The following FLAD1 variants were observed in gnomAD, a reference collection of about 807,000 sequenced individuals.
FLAD1 encodes the protein flavin adenine dinucleotide synthetase 1, also known as bifunctional FAD diphosphatase/FAD synthase.
A neutral mutation model predicts 55.0 loss-of-function variants in FLAD1; 35 were observed. That is an observed-to-expected ratio of 0.64 (90% confidence interval 0.49 to 0.84). The LOEUF (loss-of-function observed/expected upper bound fraction) is 0.84, where lower values mean the gene tolerates loss of function less well. FLAD1 is among the 40% of genes least tolerant of loss of function. The pLI is 0.00. For missense variants in FLAD1, 665 were observed against 742.6 expected (o/e 0.90, Z 1.21); for synonymous variants, 267 against 303.0 (o/e 0.88, Z 1.23).
intron 1 of FLAD1, among the ~76,000 whole-genome samples, chr1:154,984,311 T>G (rs188119304): frequency 2.0e-5 from 3 of 151,346 alleles, no homozygotes; most frequent in East Asian, 3.9e-4. Flanking sequence ...AAAAGAAAAA[T>G]AAAAAGGTCA....
chr1:154,991,605 A>G (rs1257137459), intron 5 of FLAD1, among the ~76,000 whole-genome samples: 1 of 152,128 alleles, frequency 6.6e-6, no homozygotes, highest in Non-Finnish European at 1.5e-5. Flanking sequence ...CACATTTCAA[A>G]TGACCACCAT....
rs780090452 is a variant in FLAD1, at chr1:154,988,696, C to G, written c.964C>G (p.Gln322Glu). 1.9e-6 allele frequency: 3 copies of G among 1,614,106 alleles called. No individual in the cohort carries two copies. In the South Asian group the frequency reaches 3.3e-5, roughly 18 times the overall value. The stretch of plus-strand genomic sequence containing the variant: ...CCCTGACTGGGGCAGCAACTACTAT[C>G]AGGTGAAGCTGACTCTAGACTCAGA... Reference protein sequence around the residue: ...SYPDWGSNYYQVKLTLDSEEE... With the variant: ...SYPDWGSNYYEVKLTLDSEEE... Residue 322 changes from glutamine to glutamate, a missense_variant, in exon 2 of 7, where the codon CAG becomes GAG. Transcript: ENST00000292180.
At chr1:154,987,848 C>A in intron 1 of FLAD1, 2 of 1,108,312 alleles carry the variant, frequency 1.8e-6, no homozygotes. Flanking sequence ...TGGGGTGGCC[C>A]TTGAAGCCAG....
intron 5 of FLAD1, chr1:154,990,976 C>A (rs531620098): frequency 6.6e-6 from 1 of 152,084 alleles, no homozygotes; most frequent in East Asian, 1.9e-4. Context: ...CTTTGGGAGG[C>A]CATGGTGGGC....
Position 154,992,707 on chromosome 1 carries a change from T to A in FLAD1, c.1555-6T>A. 1 of 1,614,140 alleles carries A rather than the reference T, an allele frequency of 6.2e-7. No individual in the cohort carries two copies. The highest frequency in any genetic ancestry group is 8.5e-7 in the Non-Finnish European group (1 of 1,180,030). ...TTGTGACTATTCTATTACTCTGACC[T>A]CCCAGGACTGGACCTACAGAGACAT... is the stretch of plus-strand genomic sequence containing the variant. On this transcript the variant is annotated splice_polypyrimidine_tract_variant and splice_region_variant and intron_variant, in intron 5 of 6. Coordinates refer to ENST00000292180, the MANE Select transcript of FLAD1 (RefSeq NM_025207.5).
chr1:154,990,008 C>A, intron 3 of FLAD1, 151 bp from the exon 4 acceptor site: 1 of 752,858 alleles, frequency 1.3e-6, no homozygotes, highest in Non-Finnish European at 2.3e-6. Context: ...GTGGGCTTCC[C>A]AGAGGAAGTG....
At chr1:154,986,019 C>CTGTGTGTGTGTGTG (rs57098553) in intron 1 of FLAD1, among the ~76,000 whole-genome samples, 10 of 143,040 alleles carry the variant, frequency 7.0e-5, no homozygotes, top group Admixed American at 1.4e-4. Context: ...CTGCGCCCGG[C>CTGTGTGTGTGTGTG]TGTGTGTGTG....
At chr1:154,992,309 G>C (rs531000664) in intron 5 of FLAD1, among the ~76,000 whole-genome samples, 14 of 151,782 alleles carry the variant, frequency 9.2e-5, no homozygotes, top group East Asian at 3.9e-4. Context: ...TGGGCACAGT[G>C]GTGGGCGCCT....
At position 154,983,877 on chromosome 1, in the gene FLAD1, T is replaced by C; in HGVS notation, c.183T>C (p.Tyr61=). The change falls in exon 1 of 7, where the codon TAT becomes TAC. Residue 61 remains tyrosine, a synonymous_variant. Coordinates refer to ENST00000292180, the MANE Select transcript of FLAD1 (RefSeq NM_025207.5). ...CCCAGGACCCCCTGTTCCCAGGCTA[T>C]GGCCCCCAGTGCCCTGTAGACCTGG... ...PSTQDPLFPG[Y]GPQCPVDLAG... 1 of 1,614,104 alleles carries C rather than the reference T, an allele frequency of 6.2e-7. No homozygotes were observed. The highest frequency in any genetic ancestry group is 1.7e-4 in the Middle Eastern group (1 of 6,060).
At position 154,988,282 on chromosome 1, in the gene FLAD1, G is replaced by C; in HGVS notation, c.550G>C (p.Asp184His). The C allele has an allele frequency of 1.2e-6, 2 of 1,614,222 alleles. No individual in the cohort carries two copies. The highest frequency in any genetic ancestry group is 1.7e-6 in the Non-Finnish European group (2 of 1,180,044). Residue 184 changes from aspartate to histidine, a missense_variant, in exon 2 of 7, where the codon GAT (aspartate) becomes CAT (histidine). Coordinates refer to ENST00000292180, the MANE Select transcript of FLAD1 (RefSeq NM_025207.5). ...LTAGGIGPTH[D>H]DVTFEAVAQA... ...AGCAGGGGGCATCGGCCCCACTCATGATGATGTGACCTTTGAGGCAGTGGC... is the reference window on the plus strand; with the variant it reads ...AGCAGGGGGCATCGGCCCCACTCATCATGATGTGACCTTTGAGGCAGTGGC...
chr1:154,985,383 T>C (rs1360219509), intron 1 of FLAD1, among the ~76,000 whole-genome samples: 4 of 150,564 alleles, frequency 2.7e-5, no homozygotes, highest in African/African-American at 7.3e-5. Flanking sequence ...CATGAGCCAC[T>C]GCACTCAGCC....
At chr1:154,984,550 A>C (rs1467950401) in intron 1 of FLAD1, among the ~76,000 whole-genome samples, 3 of 152,004 alleles carry the variant, frequency 2.0e-5, no homozygotes, top group South Asian at 2.1e-4. Context: ...CTCTACTAAA[A>C]ATACAAAATT....
intron 2 of FLAD1, 154 bp downstream of exon 2, chr1:154,989,003 T>G (rs1349058175): frequency 7.5e-6 from 11 of 1,471,244 alleles, no homozygotes; most frequent in Non-Finnish European, 9.9e-6. Context: ...AAATGTTGAT[T>G]GAGTACCTAT....
chr1:154,989,262 A>T (rs1657758443), intron 2 of FLAD1, among the ~76,000 whole-genome samples: 1 of 152,140 alleles, frequency 6.6e-6, no homozygotes, highest in Non-Finnish European at 1.5e-5. Context: ...AGCCAACAGT[A>T]TGAATGAGGG....
In FLAD1 at chr1:154,988,279, C is replaced by T. The variant is rs1657707851; in HGVS notation, c.547C>T (p.His183Tyr). The change falls in exon 2 of 7, where the codon CAT becomes TAT. Residue 183 changes from histidine (H) to tyrosine (Y), a missense_variant. Coordinates refer to ENST00000292180, the MANE Select transcript of FLAD1 (RefSeq NM_025207.5). ...CACAGCAGGGGGCATCGGCCCCACTCATGATGATGTGACCTTTGAGGCAGT... is the reference window on the plus strand; with the variant it reads ...CACAGCAGGGGGCATCGGCCCCACTTATGATGATGTGACCTTTGAGGCAGT... ...VLTAGGIGPTHDDVTFEAVAQ... is the reference protein window; with the variant it reads ...VLTAGGIGPTYDDVTFEAVAQ... 6.2e-7 allele frequency: 1 copy of T among 1,614,232 alleles called. No individual in the cohort carries two copies. Among genetic ancestry groups the T allele is most frequent in the South Asian group, 1.1e-5 (1 of 91,086 alleles).
At chr1:154,987,190 G>A (rs375068658) in intron 1 of FLAD1, among the ~76,000 whole-genome samples, 52 of 152,136 alleles carry the variant, frequency 3.4e-4, no homozygotes, top group African/African-American at 1.2e-3. Context: ...ACCACGCCCC[G>A]CTAATTTTTG....
chr1:154,992,541 T>G, intron 5 of FLAD1, 172 bp from the exon 6 acceptor site: 1 of 1,601,916 alleles, frequency 6.2e-7, no homozygotes, highest in Non-Finnish European at 8.5e-7. Context: ...GATGAAGTCC[T>G]TCTCTTTCTC....
intron 1 of FLAD1, chr1:154,987,661 G>T (rs1657680451): frequency 4.5e-6 from 1 of 220,662 alleles, no homozygotes; most frequent in Admixed American, 5.3e-5. Context: ...AGCAGGCCAG[G>T]CGTGGTGGCT....
intron 5 of FLAD1, among the ~76,000 whole-genome samples, chr1:154,992,408 A>T (rs1394063160): frequency 6.6e-6 from 1 of 151,822 alleles, no homozygotes; most frequent in African/African-American, 2.4e-5. Context: ...ACGCCACTGC[A>T]CTCCAGCCTG....
Sources: allele counts gnomAD v4.1 joint callset (sites outside exome capture counted in the v4.1 genomes callset), GRCh38; gene constraint gnomAD v4.1.1; transcripts MANE v1.5; gene names NCBI Gene and HGNC (gene_info 2026-07-23, HGNC 2026-07-21).